Variants in TCN1 observed in about 807,000 individuals in gnomAD.
TCN1 encodes the protein transcobalamin-1.
TCN1 carries 47 observed loss-of-function variants against 46.3 expected under a neutral mutation model. That is an observed-to-expected ratio of 1.01 (90% CI 0.80 to 1.29). TCN1 has a LOEUF of 1.29. Among genes scored for constraint, TCN1 ranks in the 50% most tolerant of loss-of-function variants. The pLI, the probability that TCN1 is intolerant of heterozygous loss-of-function variation, is 0.00. For missense variants in TCN1, 532 were observed against 511.0 expected, an observed-to-expected ratio of 1.04 and a Z score of -0.40; for synonymous variants, 183 against 192.5, an observed-to-expected ratio of 0.95 and a Z score of 0.41.
intron 6 of TCN1, 21 bp from the exon 7 acceptor site, chr11:59,854,856 C>G: frequency 6.2e-7 from 1 of 1,613,602 alleles, no homozygotes; most frequent in Non-Finnish European, 8.5e-7. Flanking sequence ...CAGAAAAGCC[C>G]AGAGCAATAT....
rs751224176 is a variant in TCN1, at chr11:59,853,001, A to C, written c.1276T>G (p.Leu426Val). ...TAGTATTTGCTCCAGCGAACCTCCA[A>C]GTTTTCTCCATTGCGGACAACGTAA... ...GSYVVRNGEN[L>V]EVRWSKY The change falls in exon 9 of 9, where the codon TTG becomes GTG. Residue 426 changes from leucine (L) to valine (V), a missense_variant. Leu to Val is a conservative substitution (Grantham distance 32). Coordinates refer to ENST00000257264, the MANE Select transcript of TCN1 (RefSeq NM_001062.4). 3.1e-6 allele frequency: 5 copies of C among 1,614,064 alleles called. No homozygotes were observed. The highest frequency in any genetic ancestry group is 4.2e-6 in the Non-Finnish European group (5 of 1,180,038).
chr11:59,854,614 C>G (rs753987372), intron 7 of TCN1, 38 bp downstream of exon 7: 12 of 1,600,546 alleles, frequency 7.5e-6, no homozygotes, highest in African/African-American at 1.3e-5. Flanking sequence ...TTAGAAATGA[C>G]AGCAAACATC....
chr11:59,854,200 T>A (rs551244001), intron 7 of TCN1, among the ~76,000 whole-genome samples: 1 of 151,488 alleles, frequency 6.6e-6, no homozygotes, highest in African/African-American at 2.5e-5. Flanking sequence ...AAGACCAGCC[T>A]GTGCAACATA....
At chr11:59,858,954 G>A in intron 5 of TCN1, 123 bp downstream of exon 5, 1 of 1,134,490 alleles carries the variant, frequency 8.8e-7, no homozygotes, top group Non-Finnish European at 1.3e-6. Context: ...AGTGAGCTGA[G>A]CTCGCACCAT....
At chr11:59,861,452 G>T (rs1011818355) in intron 4 of TCN1, 75 bp downstream of exon 4, 3 of 1,501,192 alleles carry the variant, frequency 2.0e-6, no homozygotes, top group Non-Finnish European at 2.8e-6. Flanking sequence ...GTACTTACTG[G>T]TAGAAAAACT....
Position 59,854,239 on chromosome 11 carries a change from TA to T in TCN1, c.1121+412del, listed in dbSNP as rs1435373341. On this transcript the variant is annotated intron_variant, in intron 7 of 8. Coordinates refer to ENST00000257264, the MANE Select transcript of TCN1 (RefSeq NM_001062.4). Reference sequence around the variant, plus strand: ...AGATGCTGTCTGTAAAATAAATAAATAAACAAATGCCAATTTTTGTGTGTAT... The same window carrying T: ...AGATGCTGTCTGTAAAATAAATAAATAACAAATGCCAATTTTTGTGTGTAT... Among the ~76,000 whole-genome samples, 29 of 150,768 alleles carry T rather than the reference TA, an allele frequency of 1.9e-4. 3 individuals are homozygous for T. The highest frequency in any genetic ancestry group is 7.2e-4 in the African/African-American group (29 of 40,164).
At chr11:59,857,643 T>C (rs1195170685) in intron 5 of TCN1, among the ~76,000 whole-genome samples, 7 of 152,154 alleles carry the variant, frequency 4.6e-5, no homozygotes. Context: ...TTCATACTGA[T>C]GATGCAGTAA....
intron 2 of TCN1, 123 bp from the exon 3 acceptor site, chr11:59,862,845 G>T: frequency 9.3e-7 from 1 of 1,074,246 alleles, no homozygotes; most frequent in Non-Finnish European, 1.4e-6. Context: ...ACAGTCTTGT[G>T]TCGCTTAATG....
chr11:59,866,278 C>T lies in TCN1; in HGVS notation c.79+114G>A. Reference sequence around the variant, plus strand: ...CCTTTTCATCATTCATGGAGTCCAACCACATACGAAACTGGAATGGGATCT... The same window carrying T: ...CCTTTTCATCATTCATGGAGTCCAATCACATACGAAACTGGAATGGGATCT... On this transcript the variant is annotated intron_variant, in intron 1 of 8. Transcript: ENST00000257264. The T allele has an allele frequency of 4.7e-6, 5 of 1,069,382 alleles. 1 individual carries two copies. In the South Asian group the frequency reaches 5.1e-5, roughly 11 times the overall value. The allele number at this position is 1,069,382 out of a possible 1,614,324, so 66.2% of individuals were successfully genotyped here. A position where few individuals can be genotyped will look rare whatever the true frequency, so the allele number is the denominator to read the frequency against.
chr11:59,863,882 T>C, intron 2 of TCN1, 25 bp downstream of exon 2: 1 of 1,613,174 alleles, frequency 6.2e-7, no homozygotes, highest in South Asian at 1.1e-5. Context: ...TTTTTCTAAA[T>C]CTTCCAGAAT....
intron 3 of TCN1, among the ~76,000 whole-genome samples, chr11:59,861,899 G>A (rs1444495241): frequency 1.3e-5 from 2 of 152,156 alleles, no homozygotes; most frequent in African/African-American, 4.8e-5. Flanking sequence ...TATAACTGAG[G>A]GGACACAGTC....
intron 4 of TCN1, 102 bp from the exon 5 acceptor site, chr11:59,859,369 A>T: frequency 7.8e-7 from 1 of 1,275,888 alleles, no homozygotes; most frequent in Non-Finnish European, 1.1e-6. Context: ...TAAAAGAAAA[A>T]CAGATCTAGA....
chr11:59,858,771 C>A (rs1852981252), intron 5 of TCN1, among the ~76,000 whole-genome samples: 1 of 152,140 alleles, frequency 6.6e-6, no homozygotes, highest in Admixed American at 6.5e-5. Context: ...GAGTTCGAGA[C>A]CGGCCTGGCC....
intron 3 of TCN1, 118 bp downstream of exon 3, chr11:59,862,464 G>A (rs1338779295): frequency 7.7e-7 from 1 of 1,296,986 alleles, no homozygotes; most frequent in African/African-American, 1.5e-5. Context: ...TGCCCTCAAA[G>A]ACATAGTGAG....
chr11:59,866,104 A>G (rs1420851609), intron 1 of TCN1, among the ~76,000 whole-genome samples: 1 of 152,196 alleles, frequency 6.6e-6, no homozygotes, highest in African/African-American at 2.4e-5. Context: ...TGTCATTGAA[A>G]AGTCACATGA....
intron 2 of TCN1, among the ~76,000 whole-genome samples, 168 bp from the exon 3 acceptor site, chr11:59,862,890 G>C (rs1047039992): frequency 6.6e-6 from 1 of 152,074 alleles, no homozygotes; most frequent in Non-Finnish European, 1.5e-5. Context: ...GTTGTTAAGC[G>C]ATTTTGTCAT....
At chr11:59,861,762 T>G in intron 3 of TCN1, 80 bp from the exon 4 acceptor site, 1 of 1,493,184 alleles carries the variant, frequency 6.7e-7, no homozygotes. Context: ...CTACTTACTC[T>G]ATTTTAATTT....
rs190902705 is a variant in TCN1 at position 59,860,369 on chromosome 11, T to C, written c.557-1102A>G. On this transcript the variant is annotated intron_variant, in intron 4 of 8. Transcript: ENST00000257264. Reference sequence around the variant, plus strand: ...GTCTTGAACTCCCGACCTCAGGTGATCCACCCGCCTCGGCCTCCCAAAGTG... The same window carrying C: ...GTCTTGAACTCCCGACCTCAGGTGACCCACCCGCCTCGGCCTCCCAAAGTG... 2.1e-3 allele frequency among the ~76,000 whole-genome samples: 321 copies of C among 152,102 alleles called. 4 individuals are homozygous for C. The highest frequency in any genetic ancestry group is 2.1e-3 in the Non-Finnish European group (141 of 67,974).
chr11:59,854,317 G>C (rs1156974110), intron 7 of TCN1, among the ~76,000 whole-genome samples: 1 of 151,250 alleles, frequency 6.6e-6, no homozygotes, highest in Admixed American at 6.6e-5. Flanking sequence ...ATTTTCAAAG[G>C]GGTCCGTGAT....
Sources: allele counts gnomAD v4.1 joint callset (sites outside exome capture counted in the v4.1 genomes callset), GRCh38; gene constraint gnomAD v4.1.1; transcripts MANE v1.5; gene names NCBI Gene and HGNC (gene_info 2026-07-23, HGNC 2026-07-21).